The following NTNG1 variants were observed in gnomAD, a reference collection of about 807,000 sequenced individuals.
NTNG1 encodes netrin-G1.
Under a neutral mutation model 54.0 loss-of-function variants are expected in NTNG1, and 16 were observed. The observed-to-expected ratio is 0.30, with a 90% CI of 0.20 to 0.45. NTNG1 has a LOEUF of 0.45. NTNG1 is among the 20% of genes least tolerant of loss of function. The probability of loss-of-function intolerance (pLI) is 1.00; values close to 1 mark genes in which losing one functional copy is unlikely to be tolerated. For missense variants in NTNG1, 530 were observed against 678.7 expected (o/e 0.78, Z 2.43); for synonymous variants, 255 against 263.1 (o/e 0.97, Z 0.30).
At chr1:107,261,739 A>G (rs1663353606) in intron 2 of NTNG1, among the ~76,000 whole-genome samples, 1 of 152,152 alleles carries the variant, frequency 6.6e-6, no homozygotes, top group African/African-American at 2.4e-5. Flanking sequence ...GCTACTCGGG[A>G]GGCTGAGGCG....
intron 3 of NTNG1, among the ~76,000 whole-genome samples, chr1:107,372,657 A>T (rs1193620725): frequency 6.6e-6 from 1 of 152,124 alleles, no homozygotes; most frequent in African/African-American, 2.4e-5. Flanking sequence ...TGCCAATAAG[A>T]TCAAGTTGGT....
intron 3 of NTNG1, among the ~76,000 whole-genome samples, chr1:107,337,708 C>A (rs1420988844): frequency 3.3e-5 from 5 of 151,948 alleles, no homozygotes; most frequent in African/African-American, 1.2e-4. Flanking sequence ...GACATATATC[C>A]ATGTGTCTTT....
chr1:107,148,475 A>T lies in NTNG1; in HGVS notation c.-119A>T, dbSNP rs1199507190. On this transcript the variant is annotated 5_prime_UTR_variant, in exon 2 of 8. Coordinates refer to ENST00000370068, the MANE Select transcript of NTNG1 (RefSeq NM_001113226.3). ...CATCTTCATTTAAAAAAAAATACAG[A>T]GACCTACCTACCCGTACGCATACAT... The T allele has an allele frequency of 3.3e-6, 3 of 922,956 alleles. No individual in the cohort carries two copies. The highest frequency in any genetic ancestry group is 5.0e-6 in the Non-Finnish European group (3 of 603,446). 57.2% of individuals were successfully genotyped at this position (922,956 alleles called of 1,614,324 possible).
intron 3 of NTNG1, among the ~76,000 whole-genome samples, chr1:107,355,352 T>G (rs1669877873): frequency 6.6e-6 from 1 of 152,052 alleles, no homozygotes; most frequent in Non-Finnish European, 1.5e-5. Context: ...TCTGCTAGCT[T>G]TGTGAGTTTT....
chr1:107,308,960 A>T (rs1666847471), intron 2 of NTNG1, among the ~76,000 whole-genome samples: 1 of 151,838 alleles, frequency 6.6e-6, no homozygotes, highest in Non-Finnish European at 1.5e-5. Context: ...TATCACCATC[A>T]TTTTCACCGT....
intron 6 of NTNG1, among the ~76,000 whole-genome samples, chr1:107,432,227 C>T (rs1675315095): frequency 6.6e-6 from 1 of 152,126 alleles, no homozygotes; most frequent in African/African-American, 2.4e-5. Flanking sequence ...ACAGGAAACC[C>T]TTGGTCAACT....
At chr1:107,255,047 G>C (rs1385896662) in intron 2 of NTNG1, among the ~76,000 whole-genome samples, 6 of 152,130 alleles carry the variant, frequency 3.9e-5, no homozygotes, top group African/African-American at 9.7e-5. Context: ...GTAGGGCACT[G>C]AAAATACCTA....
intron 2 of NTNG1, among the ~76,000 whole-genome samples, chr1:107,283,127 C>A (rs1000125463): frequency 6.6e-6 from 1 of 151,932 alleles, no homozygotes; most frequent in African/African-American, 2.4e-5. Flanking sequence ...ACTTTCAGAC[C>A]CTAGCAAGGC....
intron 5 of NTNG1, among the ~76,000 whole-genome samples, chr1:107,430,448 G>C (rs955747515): frequency 6.6e-6 from 1 of 152,082 alleles, no homozygotes; most frequent in Non-Finnish European, 1.5e-5. Flanking sequence ...TTCATCACTA[G>C]AAACTGAGGC....
At chr1:107,325,781 A>G (rs1213165728) in intron 3 of NTNG1, among the ~76,000 whole-genome samples, 1 of 152,126 alleles carries the variant, frequency 6.6e-6, no homozygotes, top group Non-Finnish European at 1.5e-5. Flanking sequence ...GGGAAAAGTA[A>G]AGGTAAGAGC....
chr1:107,436,536 C>A, intron 6 of NTNG1, 129 bp from the exon 7 acceptor site: 1 of 675,616 alleles, frequency 1.5e-6, no homozygotes, highest in Non-Finnish European at 2.3e-6. Context: ...GCCATATTTG[C>A]CGAAGCATTT....
At chr1:107,211,664 GGCA>G (rs1659604731) in intron 2 of NTNG1, among the ~76,000 whole-genome samples, 1 of 152,032 alleles carries the variant, frequency 6.6e-6, no homozygotes, top group Non-Finnish European at 1.5e-5. Flanking sequence ...AAAAGGGAAG[GGCA>G]GCAACTCATT....
intron 2 of NTNG1, among the ~76,000 whole-genome samples, chr1:107,278,143 T>C (rs1421285399): frequency 1.3e-5 from 2 of 152,166 alleles, no homozygotes; most frequent in African/African-American, 4.8e-5. Flanking sequence ...GCCTTTGCAT[T>C]TCCTCCCCAC....
intron 2 of NTNG1, among the ~76,000 whole-genome samples, chr1:107,276,821 T>A (rs1225100280): frequency 7.1e-6 from 1 of 141,336 alleles, no homozygotes; most frequent in African/African-American, 3.1e-5. Flanking sequence ...CATTTAAATT[T>A]TCTTCTTTTT....
At chr1:107,217,470 T>C (rs1660051017) in intron 2 of NTNG1, among the ~76,000 whole-genome samples, 1 of 152,216 alleles carries the variant, frequency 6.6e-6, no homozygotes, top group Non-Finnish European at 1.5e-5. Flanking sequence ...GCTCTGTTCT[T>C]GGTATTTATT....
intron 2 of NTNG1, among the ~76,000 whole-genome samples, chr1:107,308,810 ATCAATTTGTAAT>A (rs1233762892): frequency 6.6e-6 from 1 of 151,942 alleles, no homozygotes; most frequent in African/African-American, 2.4e-5. Flanking sequence ...CACTTCTTTG[ATCAATTTGTAAT>A]TCTCATTGTT....
chr1:107,465,666 G>A (rs1677557182), intron 7 of NTNG1, among the ~76,000 whole-genome samples: 1 of 152,160 alleles, frequency 6.6e-6, no homozygotes, highest in African/African-American at 2.4e-5. Flanking sequence ...GGACATATCT[G>A]GAGCAGAGAC....
At chr1:107,342,583 T>A (rs1570721054) in intron 3 of NTNG1, among the ~76,000 whole-genome samples, 1 of 152,106 alleles carries the variant, frequency 6.6e-6, no homozygotes, top group East Asian at 1.9e-4. Flanking sequence ...GAGAGTTTGT[T>A]AAAAAGAATG....
At chr1:107,406,554 G>A (rs1673433136) in intron 4 of NTNG1, among the ~76,000 whole-genome samples, 1 of 152,076 alleles carries the variant, frequency 6.6e-6, no homozygotes, top group Non-Finnish European at 1.5e-5. Flanking sequence ...GCGGTATAAA[G>A]CAGAATTCTC....
Sources: allele counts gnomAD v4.1 joint callset (sites outside exome capture counted in the v4.1 genomes callset), GRCh38; gene constraint gnomAD v4.1.1; transcripts MANE v1.5; gene names NCBI Gene and HGNC (gene_info 2026-07-23, HGNC 2026-07-21).